Variants in RET observed in about 807,000 individuals in gnomAD.
RET encodes proto-oncogene tyrosine-protein kinase receptor Ret.
Under a neutral mutation model 118.3 loss-of-function variants are expected in RET, and 19 were observed. That is an observed-to-expected ratio of 0.16 (90% CI 0.11 to 0.24). The LOEUF (loss-of-function observed/expected upper bound fraction) is 0.24, where lower values mean the gene tolerates loss of function less well. Ranked by LOEUF, RET falls within the 10% of genes least tolerant of loss-of-function variation. RET has a pLI of 1.00. For missense variants in RET, 1,219 were observed against 1,502.1 expected (o/e 0.81, Z 3.12); for synonymous variants, 597 against 644.1 (o/e 0.93, Z 1.11).
chr10:43,112,246 G>T, intron 8 of RET, 22 bp downstream of exon 8: 1 of 1,551,354 alleles, frequency 6.4e-7, no homozygotes, highest in South Asian at 1.2e-5. Context: ...AAACGCCCAA[G>T]GGAGGCCTGC....
chr10:43,091,779 T>C, intron 1 of RET, among the ~76,000 whole-genome samples: 1 of 132,352 alleles, frequency 7.6e-6, no homozygotes, highest in South Asian at 2.4e-4. Flanking sequence ...CAAATCAAAA[T>C]CACCATGTGA....
chr10:43,104,896 G>T, intron 3 of RET, 56 bp from the exon 4 acceptor site: 3 of 1,536,522 alleles, frequency 2.0e-6, no homozygotes, highest in Non-Finnish European at 2.6e-6. Context: ...CGAGGAAAGC[G>T]GCTGGCCCGG....
chr10:43,111,648 C>G (rs1837936256), intron 7 of RET, among the ~76,000 whole-genome samples, 183 bp downstream of exon 7: 1 of 152,228 alleles, frequency 6.6e-6, no homozygotes, highest in Non-Finnish European at 1.5e-5. Context: ...ACATACAGGA[C>G]CTTGGGTAAA....
intron 3 of RET, chr10:43,102,930 AG>A (rs1173626921): frequency 6.3e-6 from 3 of 474,784 alleles, no homozygotes; most frequent in African/African-American, 5.9e-5. Flanking sequence ...CTAGCTGGGG[AG>A]GAAACTGGGA....
At chr10:43,096,983 G>A (rs900333617) in intron 1 of RET, among the ~76,000 whole-genome samples, 1 of 152,200 alleles carries the variant, frequency 6.6e-6, no homozygotes, top group Admixed American at 6.5e-5. Context: ...CCACCTGGGA[G>A]GCATTTTAAG....
At position 43,106,854 on chromosome 10, in the gene RET, A is replaced by G. The variant is rs1283690012; in HGVS notation, c.1063+283A>G. ...CCTGCTGACCTCACCAGGGCTCACC[A>G]CCGACTGCAAACACACATGTCACCT... On this transcript the variant is annotated intron_variant, in intron 5 of 19. Coordinates refer to ENST00000355710, the MANE Select transcript of RET (RefSeq NM_020975.6). This position sits in a 1 kb window ranked among gnomAD's most constrained non-coding sequence, Gnocchi z 5.1. Among the ~76,000 whole-genome samples the G allele has an allele frequency of 6.6e-6, 1 of 152,164 alleles. No homozygotes were observed. Among genetic ancestry groups the G allele is most frequent in the African/African-American group, 2.4e-5 (1 of 41,446 alleles).
rs755837568 is a variant in RET, at chr10:43,119,665, G to A, written c.2527G>A (p.Glu843Lys). ...RNSSSLDHPD[E>K]RALTMGDLIS... The stretch of plus-strand genomic sequence containing the variant: ...CTCCAGCTCCCTGGACCACCCGGAT[G>A]AGCGGGCCCTCACCATGGGCGACCT... Residue 843 changes from glutamate to lysine, a missense_variant, in exon 14 of 20, where the codon GAG (glutamate) becomes AAG (lysine). Coordinates refer to ENST00000355710, the MANE Select transcript of RET (RefSeq NM_020975.6). 2.5e-5 allele frequency: 40 copies of A among 1,613,290 alleles called. No homozygotes were observed. Among genetic ancestry groups the A allele is most frequent in the Non-Finnish European group, 3.1e-5 (36 of 1,179,970 alleles).
At chr10:43,082,369 C>T (rs555388855) in intron 1 of RET, among the ~76,000 whole-genome samples, 30 of 152,298 alleles carry the variant, frequency 2.0e-4, no homozygotes, top group Non-Finnish European at 1.3e-4. Flanking sequence ...AGGAGTGGCT[C>T]CACAAAGTGT....
intron 6 of RET, among the ~76,000 whole-genome samples, chr10:43,110,021 G>T (rs886973726): frequency 6.6e-6 from 1 of 152,154 alleles, no homozygotes; most frequent in Non-Finnish European, 1.5e-5. Flanking sequence ...TTCTGTGCCC[G>T]CATCAGCTCC....
chr10:43,099,827 C>T (rs1837598555), intron 1 of RET, among the ~76,000 whole-genome samples: 1 of 152,188 alleles, frequency 6.6e-6, no homozygotes, highest in Admixed American at 6.5e-5. Flanking sequence ...GTGTGTGACC[C>T]ATCCAGGTGT....
intron 4 of RET, among the ~76,000 whole-genome samples, chr10:43,105,717 G>A (rs1837757342): frequency 6.6e-6 from 1 of 152,100 alleles, no homozygotes; most frequent in African/African-American, 2.4e-5. Flanking sequence ...GAGAGTGGGC[G>A]TGGGGACTGA....
Position 43,111,500 on chromosome 10 carries a change from C to T in RET, c.1522+35C>T, listed in dbSNP as rs377130948. On this transcript the variant is annotated intron_variant, in intron 7 of 19. Transcript: ENST00000355710. ...TGCTCCAGGGAGGGAGGGTCGGGGTCCTGGGGGCTTCTGGAGCCTGGGCCT... is the reference window on the plus strand; with the variant it reads ...TGCTCCAGGGAGGGAGGGTCGGGGTTCTGGGGGCTTCTGGAGCCTGGGCCT... The T allele has an allele frequency of 9.2e-5, 147 of 1,597,472 alleles. No homozygotes were observed. Among genetic ancestry groups the T allele is most frequent in the Non-Finnish European group, 1.2e-4 (138 of 1,170,628 alleles).
At chr10:43,110,784 G>C (rs1017845226) in intron 6 of RET, among the ~76,000 whole-genome samples, 4 of 152,182 alleles carry the variant, frequency 2.6e-5, no homozygotes, top group South Asian at 2.1e-4. Context: ...GGAGGAGTGA[G>C]GGGTCCCCAG....
chr10:43,119,659 C>T lies in RET; in HGVS notation c.2521C>T (p.Pro841Ser). ...GSRNSSSLDH[P>S]DERALTMGDL... Reference sequence around the variant, plus strand: ...CCGCAACTCCAGCTCCCTGGACCACCCGGATGAGCGGGCCCTCACCATGGG... The same window carrying T: ...CCGCAACTCCAGCTCCCTGGACCACTCGGATGAGCGGGCCCTCACCATGGG... The change falls in exon 14 of 20, where the codon CCG (proline) becomes TCG (serine). Residue 841 changes from proline to serine, a missense_variant. Around this residue, in one of 5 missense-constraint regions of RET, gnomAD observed 850 missense variants for 969.6 expected, o/e 0.88. Transcript: ENST00000355710. 1 of 1,613,358 alleles carries T rather than the reference C, an allele frequency of 6.2e-7. No individual in the cohort carries two copies. Among genetic ancestry groups the T allele is most frequent in the Non-Finnish European group, 8.5e-7 (1 of 1,179,958 alleles).
At chr10:43,119,044 C>T (rs908787241) in intron 13 of RET, among the ~76,000 whole-genome samples, 2 of 152,184 alleles carry the variant, frequency 1.3e-5, no homozygotes, top group East Asian at 1.9e-4. Flanking sequence ...ACCGGGAGTG[C>T]GCAGCAGGCA....
At chr10:43,125,044 C>T in intron 18 of RET, 62 bp downstream of exon 18, 1 of 1,489,354 alleles carries the variant, frequency 6.7e-7, no homozygotes, top group Non-Finnish European at 9.4e-7. Flanking sequence ...CAGCCTCACC[C>T]CAGGGCAGTA....
chr10:43,126,666 A>G lies in RET; in HGVS notation c.3131A>G (p.Asn1044Ser), dbSNP rs772807570. ...GAGGAGACACCGCTGGTGGACTGTA[A>G]TAATGCCCCCCTCCCTCGAGCCCTC... ...SEEETPLVDC[N>S]NAPLPRALPS... The change falls in exon 19 of 20, where the codon AAT becomes AGT. Residue 1044 changes from asparagine to serine, a missense_variant. Asn to Ser is a conservative substitution (Grantham distance 46). Transcript: ENST00000355710. 25 of 1,614,066 alleles carry G rather than the reference A, an allele frequency of 1.5e-5. No individual in the cohort carries two copies. The highest frequency in any genetic ancestry group is 7.7e-5 in the South Asian group (7 of 91,060).
chr10:43,123,591 T>G (rs2133002390), intron 16 of RET, 80 bp from the exon 17 acceptor site: 1 of 1,584,632 alleles, frequency 6.3e-7, no homozygotes, highest in Non-Finnish European at 8.7e-7. Flanking sequence ...TGCTTGGTGG[T>G]GGGGGTGGAT....
At chr10:43,107,579 A>G (rs962976205) in intron 5 of RET, among the ~76,000 whole-genome samples, 1 of 151,494 alleles carries the variant, frequency 6.6e-6, no homozygotes, top group South Asian at 2.1e-4. Context: ...ACACACACAC[A>G]CACACACACA....
Sources: gnomAD v4.1 joint callset for allele counts (sites outside exome capture counted in the v4.1 genomes callset) on GRCh38, gnomAD v4.1.1 for gene constraint, gnomAD v4.1.1 regional missense constraint, Gnocchi (gnomAD v3.1) non-coding constraint, MANE v1.5 for transcripts, NCBI Gene and HGNC (gene_info 2026-07-23, HGNC 2026-07-21) for gene names.